LOC400499: variants seen among roughly 807,000 people sequenced by gnomAD.
At chr16:11,384,161 G>A in the LOC400499 span, 1 of 1,213,734 alleles carries the variant, frequency 8.2e-7, no homozygotes, top group African/African-American at 1.6e-5. Context: ...ACTCTGCAGT[G>A]AGCAGCCCTC....
At chr16:11,418,472 C>G in the LOC400499 span, among the ~76,000 whole-genome samples, 1 of 152,204 alleles carries the variant, frequency 6.6e-6, no homozygotes, top group Admixed American at 6.5e-5. Context: ...CTGCTACACT[C>G]CCACCAGCAC....
the LOC400499 span, among the ~76,000 whole-genome samples, chr16:11,490,517 G>T: frequency 6.6e-6 from 1 of 152,126 alleles, no homozygotes; most frequent in Admixed American, 6.5e-5. Flanking sequence ...GGCTAATGTG[G>T]TGAAACCCCG....
the LOC400499 span, chr16:11,470,756 GAA>G: frequency 6.6e-6 from 1 of 152,408 alleles, no homozygotes; most frequent in African/African-American, 2.4e-5. Context: ...GTGTGCTGGC[GAA>G]GTCATTGGTG....
chr16:11,378,189 G>C, the LOC400499 span, among the ~76,000 whole-genome samples: 1 of 151,064 alleles, frequency 6.6e-6, no homozygotes, highest in Non-Finnish European at 1.5e-5. Context: ...TCCTGGCCTC[G>C]GCCTTCCAAG....
At chr16:11,447,039 G>A in the LOC400499 span, 9 of 1,111,130 alleles carry the variant, frequency 8.1e-6, no homozygotes, top group African/African-American at 3.1e-5. Flanking sequence ...CCACAGAGAA[G>A]AGAACATCAG....
At chr16:11,408,672 C>A in the LOC400499 span, among the ~76,000 whole-genome samples, 4 of 151,660 alleles carry the variant, frequency 2.6e-5, no homozygotes, top group African/African-American at 9.7e-5. Flanking sequence ...CCCTAGGTTG[C>A]AGGCTGTTTT....
chr16:11,481,184 T>A, the LOC400499 span, among the ~76,000 whole-genome samples: 3 of 152,164 alleles, frequency 2.0e-5, no homozygotes, highest in Admixed American at 6.5e-5. Context: ...TTGGTGGCTG[T>A]TGGAGGCTAG....
At chr16:11,411,100 G>A in the LOC400499 span, 3 of 396,578 alleles carry the variant, frequency 7.6e-6, no homozygotes, top group Non-Finnish European at 1.3e-5. Flanking sequence ...GGAGCCAGGG[G>A]TTTCCGAGGG....
At chr16:11,446,877 G>C in the LOC400499 span, 1 of 1,535,930 alleles carries the variant, frequency 6.5e-7, no homozygotes, top group Non-Finnish European at 8.7e-7. Context: ...CCTGCAGGAG[G>C]AGGCTCTGCG....
chr16:11,417,727 A>G, the LOC400499 span: 1 of 399,198 alleles, frequency 2.5e-6, no homozygotes, highest in Non-Finnish European at 4.4e-6. Flanking sequence ...GGAGAGCTCC[A>G]GGTGCCCATC....
At chr16:11,501,030 C>A in the LOC400499 span, 1 of 398,476 alleles carries the variant, frequency 2.5e-6, no homozygotes, top group South Asian at 1.3e-4. Context: ...TCACCGAAGT[C>A]ACCCGGGGGT....
the LOC400499 span, among the ~76,000 whole-genome samples, chr16:11,455,324 A>T: frequency 6.6e-6 from 1 of 152,220 alleles, no homozygotes; most frequent in South Asian, 2.1e-4. Context: ...ACCTATGGAG[A>T]AGGCCTAAAG....
the LOC400499 span, among the ~76,000 whole-genome samples, chr16:11,496,910 GT>G: frequency 1.3e-5 from 2 of 151,632 alleles, no homozygotes; most frequent in African/African-American, 4.9e-5. Flanking sequence ...GTGTGTGTGT[GT>G]GTGTGTGTGT....
chr16:11,412,863 G>A, the LOC400499 span: 3 of 399,128 alleles, frequency 7.5e-6, no homozygotes, highest in Non-Finnish European at 1.3e-5. Flanking sequence ...TTCTGGCCAC[G>A]GACGTCAAGG....
chr16:11,397,825 A>C, the LOC400499 span, among the ~76,000 whole-genome samples: 1 of 149,058 alleles, frequency 6.7e-6, no homozygotes, highest in African/African-American at 2.5e-5. Flanking sequence ...AATGGATGCA[A>C]GGGAGGAACG....
At chr16:11,456,692 T>C in the LOC400499 span, among the ~76,000 whole-genome samples, 1 of 152,054 alleles carries the variant, frequency 6.6e-6, no homozygotes, top group Non-Finnish European at 1.5e-5. Flanking sequence ...CCTCCCACAG[T>C]GCTGGGATTA....
the LOC400499 span, among the ~76,000 whole-genome samples, chr16:11,405,701 T>C: frequency 2.9e-4 from 44 of 152,306 alleles, no homozygotes; most frequent in Admixed American, 1.6e-3. Context: ...CGCATTATTA[T>C]TGCCCTGCCC....
At chr16:11,475,382 T>C in the LOC400499 span, among the ~76,000 whole-genome samples, 1 of 152,138 alleles carries the variant, frequency 6.6e-6, no homozygotes, top group Admixed American at 6.6e-5. Context: ...GAATCATCTC[T>C]GAAAAAAGGC....
At chr16:11,388,395 T>C in the LOC400499 span, among the ~76,000 whole-genome samples, 8 of 152,264 alleles carry the variant, frequency 5.3e-5, no homozygotes, top group Middle Eastern at 3.4e-3. Flanking sequence ...TTAGTCCCTA[T>C]TTTATGGCTG....
Sources: gnomAD v4.1 joint callset for allele counts (sites outside exome capture counted in the v4.1 genomes callset) on GRCh38, gnomAD v4.1.1 for gene constraint, MANE v1.5 for transcripts.